The following LYPD6 variants were observed in gnomAD, a reference collection of about 807,000 sequenced individuals.
The protein encoded by LYPD6 is ly6/PLAUR domain-containing protein 6.
In LYPD6, 15 loss-of-function variants were observed where a neutral mutation model predicts 22.7. The ratio of observed to expected loss-of-function variants is 0.66; its 90% CI spans 0.44 to 1.02. The LOEUF is 1.02. Among genes scored for constraint, LYPD6 ranks in the 50% least tolerant of loss-of-function variants. The pLI, the probability that LYPD6 is intolerant of heterozygous loss-of-function variation, is 0.00. For missense variants in LYPD6, 189 were observed against 208.4 expected (o/e 0.91, Z 0.57); for synonymous variants, 72 against 77.5 (o/e 0.93, Z 0.37).
chr2:149,355,999 T>TAAATTG (rs1681441258), intron 1 of LYPD6, among the ~76,000 whole-genome samples: 1 of 151,994 alleles, frequency 6.6e-6, no homozygotes, highest in African/African-American at 2.4e-5. Context: ...AAGTGTAAAA[T>TAAATTG]AAATTGAAAG....
At chr2:149,480,214 T>TA in the LYPD6 span, among the ~76,000 whole-genome samples, 1 of 152,094 alleles carries the variant, frequency 6.6e-6, no homozygotes, top group Non-Finnish European at 1.5e-5. Context: ...TTCACCATGT[T>TA]AGTCAGGCTG....
intron 3 of LYPD6, among the ~76,000 whole-genome samples, chr2:149,452,439 C>T (rs1037789544): frequency 3.3e-5 from 5 of 152,260 alleles, no homozygotes; most frequent in East Asian, 1.9e-4. Flanking sequence ...TCACTAGTAG[C>T]TAACTCTAGA....
At chr2:149,445,634 A>G (rs1180323768) in intron 2 of LYPD6, among the ~76,000 whole-genome samples, 2 of 152,212 alleles carry the variant, frequency 1.3e-5, no homozygotes, top group Non-Finnish European at 2.9e-5. Flanking sequence ...ATTCTCTGCT[A>G]GCTGCAGACT....
At chr2:149,393,495 G>T (rs962472370) in intron 1 of LYPD6, among the ~76,000 whole-genome samples, 1 of 152,096 alleles carries the variant, frequency 6.6e-6, no homozygotes, top group African/African-American at 2.4e-5. Flanking sequence ...GTTCTTTCAG[G>T]TACTAAAGAG....
chr2:149,385,068 C>G (rs1011301073), intron 1 of LYPD6, among the ~76,000 whole-genome samples: 2 of 152,130 alleles, frequency 1.3e-5, no homozygotes, highest in Non-Finnish European at 2.9e-5. Context: ...TCTCTACCTT[C>G]AGTAGCTTCG....
intron 3 of LYPD6, 142 bp from the exon 4 acceptor site, chr2:149,468,503 G>A (rs982108405): frequency 1.2e-6 from 1 of 866,168 alleles, no homozygotes; most frequent in Non-Finnish European, 1.7e-6. Context: ...GGTCTTTGGG[G>A]TTGGACATAA....
At chr2:149,464,460 T>A (rs1453783925) in intron 3 of LYPD6, 2 of 167,172 alleles carry the variant, frequency 1.2e-5, no homozygotes, top group African/African-American at 4.8e-5. Context: ...GTTTGGAGCC[T>A]CCATCAAGGA....
At chr2:149,424,033 G>T (rs575935427) in intron 1 of LYPD6, among the ~76,000 whole-genome samples, 1 of 152,088 alleles carries the variant, frequency 6.6e-6, no homozygotes, top group African/African-American at 2.4e-5. Context: ...AGATGCCATC[G>T]TCTCAAGATG....
In LYPD6 at chr2:149,455,268, T is replaced by TC. The variant is rs1390393196; in HGVS notation, c.217+6121_217+6122insC. On this transcript the variant is annotated intron_variant, in intron 3 of 4. Transcript: ENST00000334166. Reference sequence around the variant, plus strand: ...AACTTTTCTAGCAAGTTTTTTTTTTTTTTTTTTTGAGACAGAGTCTTGCTG... The same window carrying TC: ...AACTTTTCTAGCAAGTTTTTTTTTTTCTTTTTTTTGAGACAGAGTCTTGCTG... Among the ~76,000 whole-genome samples, 11 of 151,072 alleles carry TC rather than the reference T, an allele frequency of 7.3e-5. No individual in the cohort carries two copies. The East Asian group carries it at 2.1e-3, about 29-fold the overall frequency.
At chr2:149,462,457 A>T (rs947883884) in intron 3 of LYPD6, among the ~76,000 whole-genome samples, 2 of 152,056 alleles carry the variant, frequency 1.3e-5, no homozygotes, top group South Asian at 4.1e-4. Context: ...ATAGATTGAA[A>T]GACAACATAG....
downstream of LYPD6, among the ~76,000 whole-genome samples, chr2:149,477,177 A>G (rs1289089737): frequency 6.6e-6 from 1 of 152,218 alleles, no homozygotes; most frequent in African/African-American, 2.4e-5. Context: ...TAATTACTTA[A>G]TAACCTTGTG....
the LYPD6 span, among the ~76,000 whole-genome samples, chr2:149,483,078 A>G: frequency 5.9e-5 from 9 of 152,166 alleles, no homozygotes; most frequent in African/African-American, 2.2e-4. Flanking sequence ...TGCATCTGTC[A>G]TGGACACCCC....
intron 1 of LYPD6, among the ~76,000 whole-genome samples, chr2:149,364,343 G>C (rs2105070835): frequency 6.6e-6 from 1 of 152,228 alleles, no homozygotes; most frequent in East Asian, 1.9e-4. Context: ...GTTTGATTTT[G>C]AGGTTAGTTG....
At chr2:149,408,852 T>C (rs944585239) in intron 1 of LYPD6, among the ~76,000 whole-genome samples, 8 of 152,230 alleles carry the variant, frequency 5.3e-5, no homozygotes, top group Non-Finnish European at 1.2e-4. Context: ...GGACTTTGCC[T>C]TTCTCTGTTG....
chr2:149,384,433 G>A (rs896753625), intron 1 of LYPD6, among the ~76,000 whole-genome samples: 1 of 152,212 alleles, frequency 6.6e-6, no homozygotes, highest in African/African-American at 2.4e-5. Context: ...ACAGGGGGAT[G>A]TGTCTCCTCC....
chr2:149,408,750 A>G (rs1225556786), intron 1 of LYPD6, among the ~76,000 whole-genome samples: 1 of 152,214 alleles, frequency 6.6e-6, no homozygotes, highest in East Asian at 1.9e-4. Context: ...CTTGATTTAC[A>G]GAAGGTGTGA....
At chr2:149,396,893 C>G (rs962138004) in intron 1 of LYPD6, among the ~76,000 whole-genome samples, 12 of 152,190 alleles carry the variant, frequency 7.9e-5, no homozygotes, top group African/African-American at 2.9e-4. Context: ...AGGACACCCT[C>G]TGCCCTCCCA....
At chr2:149,394,845 T>A (rs187854080) in intron 1 of LYPD6, among the ~76,000 whole-genome samples, 1 of 152,342 alleles carries the variant, frequency 6.6e-6, no homozygotes, top group East Asian at 1.9e-4. Context: ...TTTCTATCCA[T>A]GTTTATGTAT....
chr2:149,371,531 A>G (rs991499520), intron 1 of LYPD6, among the ~76,000 whole-genome samples: 1 of 152,218 alleles, frequency 6.6e-6, no homozygotes. Flanking sequence ...AAGTTAATTT[A>G]TGTTTCAAAT....
Sources: allele counts gnomAD v4.1 joint callset (sites outside exome capture counted in the v4.1 genomes callset), GRCh38; gene constraint gnomAD v4.1.1; transcripts MANE v1.5; gene names NCBI Gene and HGNC (gene_info 2026-07-23, HGNC 2026-07-21).